Variants in ULBP3 observed in about 807,000 individuals in gnomAD.
ULBP3 encodes the protein UL16-binding protein 3.
ULBP3 carries 25 observed loss-of-function variants against 24.9 expected under a neutral mutation model. The observed-to-expected ratio is 1.00, with a 90% CI of 0.73 to 1.40. ULBP3 has a LOEUF of 1.40. Among genes scored for constraint, ULBP3 ranks in the 40% most tolerant of loss-of-function variants. The pLI is 0.00. For missense variants in ULBP3, 306 were observed against 307.5 expected (o/e 1.00, Z 0.04); for synonymous variants, 114 against 114.7 (o/e 0.99, Z 0.04).
chr6:150,062,976 C>T lies in ULBP3; in HGVS notation c.*398G>A, dbSNP rs1776291838. ...AATTAGCCGGGCGCGGTGGCGGGTG[C>T]CTGTAGTCCCAGCTACTCGGGAGGC... On this transcript the variant is annotated 3_prime_UTR_variant, in exon 5 of 5. Coordinates refer to ENST00000367339, the MANE Select transcript of ULBP3 (RefSeq NM_024518.3). 6.6e-6 allele frequency among the ~76,000 whole-genome samples: 1 copy of T among 151,368 alleles called. No homozygotes were observed. The highest frequency in any genetic ancestry group is 2.4e-5 in the African/African-American group (1 of 41,134).
rs370222712 is a variant in ULBP3, at chr6:150,065,682, A to G, written c.353-9T>C. On this transcript the variant is annotated splice_polypyrimidine_tract_variant and intron_variant, in intron 2 of 4. Coordinates refer to ENST00000367339, the MANE Select transcript of ULBP3 (RefSeq NM_024518.3). ...CTGCAGCGTGAGGGGTCCTGCCCCA[A>G]TCAGAAAGAGATCAGCCCTGGTGTT... is the stretch of plus-strand genomic sequence containing the variant. The G allele has an allele frequency of 1.7e-5, 28 of 1,613,694 alleles. No individual in the cohort carries two copies. Among genetic ancestry groups the G allele is most frequent in the Non-Finnish European group, 1.9e-5 (23 of 1,179,754 alleles).
At position 150,063,316 on chromosome 6, in the gene ULBP3, C is replaced by T. The variant is rs1008852448; in HGVS notation, c.*58G>A. Reference sequence around the variant, plus strand: ...CCCTGAAGGGAGAGCAGGAACCAGACCAGGCTAACAGAGGCTTCTTGATAT... The same window carrying T: ...CCCTGAAGGGAGAGCAGGAACCAGATCAGGCTAACAGAGGCTTCTTGATAT... On this transcript the variant is annotated 3_prime_UTR_variant, in exon 5 of 5. Transcript: ENST00000367339. 1.0e-6 allele frequency: 1 copy of T among 973,820 alleles called. No individual in the cohort carries two copies. The highest frequency in any genetic ancestry group is 1.2e-6 in the Non-Finnish European group (1 of 819,584). The allele number at this position is 973,820 out of a possible 1,614,324, so 60.3% of individuals were successfully genotyped here. A position where few individuals can be genotyped will look rare whatever the true frequency, so the allele number is the denominator to read the frequency against.
In ULBP3 at chr6:150,061,146, AATGACT is replaced by A. The variant is rs1034897380; in HGVS notation, c.*2222_*2227del. On this transcript the variant is annotated 3_prime_UTR_variant, in exon 5 of 5. Coordinates refer to ENST00000367339, the MANE Select transcript of ULBP3 (RefSeq NM_024518.3). ...TCATATACAACTTACGATTATTTTA[AATGACT>A]AGAGTTTAGTTTTTGATCTGGGTTA... Among the ~76,000 whole-genome samples the A allele has an allele frequency of 4.6e-5, 7 of 152,292 alleles. No homozygotes were observed. Among genetic ancestry groups the A allele is most frequent in the African/African-American group, 1.7e-4 (7 of 41,542 alleles).
In ULBP3 at chr6:150,065,143, C is replaced by T. The variant is rs190673546; in HGVS notation, c.628+255G>A. Reference sequence around the variant, plus strand: ...CACAGTTTTGAGGCTGGTGAGAAATCCACAGTGAGTGGAGCAAAAGCAAGT... The same window carrying T: ...CACAGTTTTGAGGCTGGTGAGAAATTCACAGTGAGTGGAGCAAAAGCAAGT... On this transcript the variant is annotated intron_variant, in intron 3 of 4. Transcript: ENST00000367339. Among the ~76,000 whole-genome samples, 11 of 152,066 alleles carry T rather than the reference C, an allele frequency of 7.2e-5. No homozygotes were observed. In the East Asian group the frequency reaches 2.1e-3, roughly 29 times the overall value.
At chr6:150,065,178 AAG>A (rs1487498615) in intron 3 of ULBP3, among the ~76,000 whole-genome samples, 1 of 151,936 alleles carries the variant, frequency 6.6e-6, no homozygotes, top group African/African-American at 2.4e-5. Context: ...TGCAGTGAGG[AAG>A]AGGAGTCAGG....
intron 1 of ULBP3, among the ~76,000 whole-genome samples, chr6:150,067,748 T>C (rs1013088558): frequency 6.6e-6 from 1 of 152,192 alleles, no homozygotes; most frequent in Non-Finnish European, 1.5e-5. Flanking sequence ...TATTTGACCC[T>C]GGACTCCCTA....
At chr6:150,065,358 G>A in intron 3 of ULBP3, 40 bp downstream of exon 3, 1 of 1,608,992 alleles carries the variant, frequency 6.2e-7, no homozygotes, top group Non-Finnish European at 8.5e-7. Flanking sequence ...GTAACTCGAT[G>A]GCATCTCCAA....
Position 150,065,677 on chromosome 6 carries a change from C to T in ULBP3, c.353-4G>A. ...CTGACCTGCAGCGTGAGGGGTCCTGCCCCAATCAGAAAGAGATCAGCCCTG... is the reference window on the plus strand; with the variant it reads ...CTGACCTGCAGCGTGAGGGGTCCTGTCCCAATCAGAAAGAGATCAGCCCTG... On this transcript the variant is annotated splice_region_variant and splice_polypyrimidine_tract_variant and intron_variant, in intron 2 of 4. Coordinates refer to ENST00000367339, the MANE Select transcript of ULBP3 (RefSeq NM_024518.3). The T allele has an allele frequency of 1.2e-6, 2 of 1,613,874 alleles. No individual in the cohort carries two copies. The highest frequency in any genetic ancestry group is 1.1e-5 in the South Asian group (1 of 91,058).
chr6:150,066,075 T>A lies in ULBP3; in HGVS notation c.176A>T (p.Gln59Leu), dbSNP rs199897950. ...ACAGTCATAGGAGAGAAAATTCTTC[T>A]GATCCACCTGGCTCTGGACCTCACA... ...QWCEVQSQVDQKNFLSYDCGS... is the reference protein window; with the variant it reads ...QWCEVQSQVDLKNFLSYDCGS... The change falls in exon 2 of 5, where the codon CAG (glutamine) becomes CTG (leucine). Residue 59 changes from glutamine to leucine, a missense_variant. Transcript: ENST00000367339. 6 of 1,614,246 alleles carry A rather than the reference T, an allele frequency of 3.7e-6. No individual in the cohort carries two copies. The Admixed American group carries it at 1.0e-4, about 27-fold the overall frequency.
At chr6:150,066,485 C>T (rs563416541) in intron 1 of ULBP3, among the ~76,000 whole-genome samples, 1 of 152,268 alleles carries the variant, frequency 6.6e-6, no homozygotes, top group East Asian at 1.9e-4. Flanking sequence ...GGAGGGCACC[C>T]TGAGGATGTT....
At chr6:150,066,544 G>A (rs1193742699) in intron 1 of ULBP3, among the ~76,000 whole-genome samples, 2 of 152,174 alleles carry the variant, frequency 1.3e-5, no homozygotes, top group African/African-American at 4.8e-5. Flanking sequence ...ATAAGGATGA[G>A]TTCATTTATT....
chr6:150,065,664 G>A lies in ULBP3; in HGVS notation c.362C>T (p.Thr121Met), dbSNP rs148156422. Residue 121 changes from threonine to methionine, a missense_variant, in exon 3 of 5, where the codon ACG becomes ATG. By Grantham distance (81) the Thr-to-Met change is moderately conservative. Coordinates refer to ENST00000367339, the MANE Select transcript of ULBP3 (RefSeq NM_024518.3). ...CTCACAAGACATCCTGACCTGCAGC[G>A]TGAGGGGTCCTGCCCCAATCAGAAA... ...LEDFTPSGPL[T>M]LQVRMSCECE... The A allele has an allele frequency of 2.8e-5, 46 of 1,614,156 alleles. No homozygotes were observed. The highest frequency in any genetic ancestry group is 3.3e-4 in the Middle Eastern group (2 of 6,062).
chr6:150,065,367 A>G, intron 3 of ULBP3, 31 bp downstream of exon 3: 3 of 1,611,234 alleles, frequency 1.9e-6, no homozygotes, highest in Non-Finnish European at 2.5e-6. Context: ...TGGCATCTCC[A>G]ACATGCTCCC....
chr6:150,066,936 C>T (rs1269930801), intron 1 of ULBP3, among the ~76,000 whole-genome samples: 1 of 152,006 alleles, frequency 6.6e-6, no homozygotes, highest in East Asian at 1.9e-4. Context: ...GATGGAAAAT[C>T]CTGAAATAAG....
Position 150,061,848 on chromosome 6 carries a change from C to T in ULBP3, c.*1526G>A, listed in dbSNP as rs1478920133. ...ATCTCCAAACTGCTTTCCATAGCGG[C>T]TGAACAAGTTTGCTTTCCCACCAAC... On this transcript the variant is annotated 3_prime_UTR_variant, in exon 5 of 5. Transcript: ENST00000367339. 2.0e-5 allele frequency among the ~76,000 whole-genome samples: 3 copies of T among 152,214 alleles called. No homozygotes were observed. Among genetic ancestry groups the T allele is most frequent in the Non-Finnish European group, 1.5e-5 (1 of 68,044 alleles).
intron 4 of ULBP3, 127 bp downstream of exon 4, chr6:150,064,458 A>G (rs940680088): frequency 2.4e-6 from 2 of 822,030 alleles, no homozygotes; most frequent in African/African-American, 3.4e-5. Context: ...GGTCTCATTC[A>G]CCTGTCTCAT....
rs1165933415 is a variant in ULBP3 at position 150,066,014 on chromosome 6, T to C, written c.237A>G (p.Glu79=). Residue 79 remains glutamate, a synonymous_variant, in exon 2 of 5, where the codon GAA becomes GAG. Transcript: ENST00000367339. ...AGGCATCTGTGGCATACAGCTGCTC[T>C]TCTAGGTGACCCATAGATAAGACCT... ...SDKVLSMGHL[E]EQLYATDAWG... The C allele has an allele frequency of 6.2e-7, 1 of 1,614,096 alleles. No individual in the cohort carries two copies. Among genetic ancestry groups the C allele is most frequent in the Admixed American group, 1.7e-5 (1 of 60,010 alleles).
Position 150,065,643 on chromosome 6 carries a change from C to G in ULBP3, c.383G>C (p.Cys128Ser), listed in dbSNP as rs777495265. 3.7e-6 allele frequency: 6 copies of G among 1,614,204 alleles called. No homozygotes were observed. In the South Asian group the frequency reaches 4.4e-5, roughly 12 times the overall value. ...GATGTATCCATCGGCTTCACACTCA[C>G]AAGACATCCTGACCTGCAGCGTGAG... ...GPLTLQVRMS[C>S]ECEADGYIRG... The change falls in exon 3 of 5, where the codon TGT becomes TCT. Residue 128 changes from cysteine (C) to serine (S), a missense_variant. Coordinates refer to ENST00000367339, the MANE Select transcript of ULBP3 (RefSeq NM_024518.3).
Position 150,065,435 on chromosome 6 carries a change from G to C in ULBP3, c.591C>G (p.Asp197Glu). The change falls in exon 3 of 5, where the codon GAC becomes GAG. Residue 197 changes from aspartate to glutamate, a missense_variant. Coordinates refer to ENST00000367339, the MANE Select transcript of ULBP3 (RefSeq NM_024518.3). ...GCCTCTTCTTCCTGTGCATCAGGAAGTCCCTAAGCCAGCTCTTGCAGTCTC... is the reference window on the plus strand; with the variant it reads ...GCCTCTTCTTCCTGTGCATCAGGAACTCCCTAAGCCAGCTCTTGCAGTCTC... ...SMRDCKSWLRDFLMHRKKRLE... is the reference protein window; with the variant it reads ...SMRDCKSWLREFLMHRKKRLE... 1 of 1,614,200 alleles carries C rather than the reference G, an allele frequency of 6.2e-7. No homozygotes were observed. Among genetic ancestry groups the C allele is most frequent in the South Asian group, 1.1e-5 (1 of 91,080 alleles).
Sources: allele counts gnomAD v4.1 joint callset (sites outside exome capture counted in the v4.1 genomes callset), GRCh38; gene constraint gnomAD v4.1.1; transcripts MANE v1.5; gene names NCBI Gene and HGNC (gene_info 2026-07-23, HGNC 2026-07-21).